The following PDK2 variants were observed in gnomAD, a reference collection of about 807,000 sequenced individuals.
PDK2 encodes pyruvate dehydrogenase kinase, isozyme 2.
In PDK2, 34 loss-of-function variants were observed where a neutral mutation model predicts 50.4. That is an observed-to-expected ratio of 0.68 (90% CI 0.51 to 0.90). PDK2 has a LOEUF of 0.90. Ranked by LOEUF, PDK2 falls within the 40% of genes least tolerant of loss-of-function variation. The pLI is 0.00. For synonymous variants in PDK2, 232 were observed against 216.0 expected, an observed-to-expected ratio of 1.07 and a Z score of -0.65; for missense variants, 377 against 544.5, an observed-to-expected ratio of 0.69 and a Z score of 3.06.
Position 50,097,353 on chromosome 17 carries a change from G to A in PDK2, c.119-70G>A, listed in dbSNP as rs1910002431. ...CCCCCTGTTAATGAAGGGTTTAGCT[G>A]ACCTGGCCGAGACATCCTTTGGCTT... is the stretch of plus-strand genomic sequence containing the variant. On this transcript the variant is annotated intron_variant, in intron 1 of 10. Transcript: ENST00000503176. 2.6e-6 allele frequency: 4 copies of A among 1,537,688 alleles called. No individual in the cohort carries two copies. The South Asian group carries it at 3.5e-5, about 13-fold the overall frequency.
chr17:50,100,998 C>T (rs1413342987), intron 2 of PDK2: 1 of 152,320 alleles, frequency 6.6e-6, no homozygotes, highest in Non-Finnish European at 1.5e-5. Flanking sequence ...AAAGGGACAA[C>T]CCCGGCTCCT....
rs765291523 is a variant in PDK2, at chr17:50,108,398, A to G, written c.842A>G (p.Glu281Gly). Reference sequence around the variant, plus strand: ...ATCAAGGTCATGGTGGCCTTGGGTGAGGAAGATCTGTCCATCAAGGTATGT... The same window carrying G: ...ATCAAGGTCATGGTGGCCTTGGGTGGGGAAGATCTGTCCATCAAGGTATGT... ...PPIKVMVALGEEDLSIKMSDR... is the reference protein window; with the variant it reads ...PPIKVMVALGGEDLSIKMSDR... Residue 281 changes from glutamate (E) to glycine (G), a missense_variant, in exon 8 of 11, where the codon GAG becomes GGG. By Grantham distance (98) the Glu-to-Gly change is moderately conservative. This residue lies in a region of PDK2 where 214 missense variants were observed against 294.0 expected (regional missense o/e 0.73). Coordinates refer to ENST00000503176, the MANE Select transcript of PDK2 (RefSeq NM_002611.5). The G allele has an allele frequency of 1.2e-6, 2 of 1,613,432 alleles. No individual in the cohort carries two copies. Among genetic ancestry groups the G allele is most frequent in the Non-Finnish European group, 1.7e-6 (2 of 1,179,368 alleles).
rs992726226 is a variant in PDK2, at chr17:50,096,040, G to A, written c.118+487G>A. The A allele has an allele frequency of 4.7e-6, 4 of 853,790 alleles. No individual in the cohort carries two copies. In the East Asian group the frequency reaches 3.6e-4, roughly 78 times the overall value. 52.9% of individuals were successfully genotyped at this position (853,790 alleles called of 1,614,324 possible). ...AGGGTCAGACACCCCTGGGCAGAGG[G>A]TGAGATTAAGCCAGGGGCAGTTGGG... is the stretch of plus-strand genomic sequence containing the variant. On this transcript the variant is annotated intron_variant, in intron 1 of 10. Transcript: ENST00000503176.
upstream of PDK2, among the ~76,000 whole-genome samples, chr17:50,095,068 G>A (rs1053949773): frequency 2.0e-5 from 3 of 152,266 alleles, no homozygotes; most frequent in Non-Finnish European, 4.4e-5. Flanking sequence ...GAAAGGGCTG[G>A]CGGGGCTCTG....
chr17:50,095,212 CG>C (rs138915490), upstream of PDK2: 18 of 496,784 alleles, frequency 3.6e-5, no homozygotes, highest in Non-Finnish European at 5.7e-5. Flanking sequence ...GGGGCGGGCC[CG>C]GGGGAAGCCA....
At position 50,106,103 on chromosome 17, in the gene PDK2, G is replaced by GT. The variant is rs949170908; in HGVS notation, c.517+35dup. ...CGGCCACAGCGGCGGGGAGCGGGCG[G>GT]TGGGGGGGGCGGTGCTGGGGCCCAG... On this transcript the variant is annotated intron_variant, in intron 4 of 10. Transcript: ENST00000503176. The GT allele has an allele frequency of 9.0e-6, 14 of 1,564,158 alleles. No homozygotes were observed. The Admixed American group carries it at 2.5e-4, about 28-fold the overall frequency.
chr17:50,095,876 G>T (rs1026223768), intron 1 of PDK2: 6 of 879,280 alleles, frequency 6.8e-6, no homozygotes, highest in Non-Finnish European at 8.6e-6. Context: ...GACGCGAAAG[G>T]GTTAATGGGA....
In PDK2 at chr17:50,096,310, A is replaced by G. The variant is rs967213388; in HGVS notation, c.118+757A>G. ...AGGTCAGGATCGCCCACTACCAGCA[A>G]CCTGGGGGTGGCCCTGGGGCAGGAG... On this transcript the variant is annotated intron_variant, in intron 1 of 10. Coordinates refer to ENST00000503176, the MANE Select transcript of PDK2 (RefSeq NM_002611.5). 20 of 985,032 alleles carry G rather than the reference A, an allele frequency of 2.0e-5. No individual in the cohort carries two copies. The African/African-American group carries it at 3.5e-4, about 17-fold the overall frequency. The allele number at this position is 985,032 out of a possible 1,614,324, so 61.0% of individuals were successfully genotyped here.
At chr17:50,106,979 G>A (rs2144369377) in intron 5 of PDK2, 96 bp downstream of exon 5, 4 of 1,467,412 alleles carry the variant, frequency 2.7e-6, no homozygotes, top group Non-Finnish European at 3.8e-6. Context: ...AGTAAGGGGT[G>A]CCATGGATTT....
chr17:50,108,865 T>A, intron 9 of PDK2, 146 bp downstream of exon 9: 1 of 621,362 alleles, frequency 1.6e-6, no homozygotes, highest in Admixed American at 2.7e-5. Context: ...ACCTCCCACA[T>A]CTCCCCAGTC....
In PDK2 at chr17:50,097,521, G is replaced by A. The variant is rs563054422; in HGVS notation, c.217G>A (p.Asp73Asn). The change falls in exon 2 of 11, where the codon GAC becomes AAC. Residue 73 changes from aspartate (D) to asparagine (N), a missense_variant. Physicochemically the swap from Asp to Asn is conservative, Grantham distance 23 (BLOSUM62 1). Around this residue, in one of 3 missense-constraint regions of PDK2, gnomAD observed 100 missense variants for 115.5 expected, o/e 0.87. Transcript: ENST00000503176. ...CATGAAAGAGATCAACCTGCTTCCC[G>A]ACCGAGTGCTGAGCACACCCTCCGT... ...NIMKEINLLP[D>N]RVLSTPSVQL... is the part of the protein sequence containing the mutation. 2.5e-6 allele frequency: 4 copies of A among 1,613,744 alleles called. No homozygotes were observed. Among genetic ancestry groups the A allele is most frequent in the South Asian group, 2.2e-5 (2 of 91,046 alleles).
At position 50,108,693 on chromosome 17, in the gene PDK2, C is replaced by A. The variant is rs1441300054; in HGVS notation, c.943C>A (p.Gln315Lys). The change falls in exon 9 of 11, where the codon CAG (glutamine) becomes AAG (lysine). Residue 315 changes from glutamine to lysine, a missense_variant. By Grantham distance (53) the Gln-to-Lys change is moderately conservative. This residue lies in a region of PDK2 where 214 missense variants were observed against 294.0 expected (regional missense o/e 0.73). Coordinates refer to ENST00000503176, the MANE Select transcript of PDK2 (RefSeq NM_002611.5). ...SYMYSTAPTP[Q>K]PGTGGTPLAG... ...CATGTACTCCACAGCACCCACCCCC[C>A]AGCCTGGCACCGGGGGAACGCCGCT... is the stretch of plus-strand genomic sequence containing the variant. 1.4e-5 allele frequency: 23 copies of A among 1,612,622 alleles called. No homozygotes were observed. The highest frequency in any genetic ancestry group is 1.6e-4 in the Middle Eastern group (1 of 6,078).
Position 50,096,995 on chromosome 17 carries a change from C to T in PDK2, c.119-428C>T, listed in dbSNP as rs1280427810. On this transcript the variant is annotated intron_variant, in intron 1 of 10. Transcript: ENST00000503176. The stretch of plus-strand genomic sequence containing the variant: ...GCTGGCCAGAGACAACACTGGGAGC[C>T]TGCAGTGGTGGTCTAGCCATAGCCC... Among the ~76,000 whole-genome samples, 4 of 152,356 alleles carry T rather than the reference C, an allele frequency of 2.6e-5. No individual in the cohort carries two copies. In the East Asian group the frequency reaches 7.7e-4, roughly 29 times the overall value.
intron 2 of PDK2, among the ~76,000 whole-genome samples, chr17:50,099,210 C>T (rs139853669): frequency 1.6e-4 from 24 of 152,224 alleles, no homozygotes; most frequent in African/African-American, 5.1e-4. Flanking sequence ...CGGCTCTATC[C>T]GGCTGCCTGA....
chr17:50,105,815 G>A (rs746697455), intron 3 of PDK2, 70 bp from the exon 4 acceptor site: 39 of 1,552,356 alleles, frequency 2.5e-5, no homozygotes, highest in Non-Finnish European at 3.0e-5. Flanking sequence ...TGAAGACACC[G>A]TGGAGAGGGG....
At position 50,109,483 on chromosome 17, in the gene PDK2, C is replaced by A; in HGVS notation, c.1083+83C>A. 1 of 762,998 alleles carries A rather than the reference C, an allele frequency of 1.3e-6. No individual in the cohort carries two copies. The highest frequency in any genetic ancestry group is 2.1e-6 in the Non-Finnish European group (1 of 474,686). 47.3% of individuals were successfully genotyped at this position (762,998 alleles called of 1,614,324 possible). A position where few individuals can be genotyped will look rare whatever the true frequency, so the allele number is the denominator to read the frequency against. On this transcript the variant is annotated intron_variant, in intron 10 of 10. Transcript: ENST00000503176. The surrounding 1 kb of genome is among the most constrained non-coding windows in gnomAD (Gnocchi z 5.0). ...CAGCCTTGGCCAGCTGCGAGCTTTC[C>A]TTTCCATCCCCCCAGTCCTTCCCTG...
intron 2 of PDK2, chr17:50,097,803 G>T: frequency 2.2e-6 from 1 of 459,008 alleles, no homozygotes; most frequent in Non-Finnish European, 3.9e-6. Context: ...ACCTTTCTCT[G>T]GAAACACAGG....
rs758123671 is a variant in PDK2, at chr17:50,095,389, G to T, written c.-47G>T. ...CGTCGCTGGGCCGAAAGGTGCGCGA[G>T]CGCTGCCCGCGCGGGGACCACAACC... On this transcript the variant is annotated 5_prime_UTR_variant, in exon 1 of 11. Transcript: ENST00000503176. 5 of 1,415,574 alleles carry T rather than the reference G, an allele frequency of 3.5e-6. No homozygotes were observed. In the East Asian group the frequency reaches 9.6e-5, roughly 27 times the overall value. The allele number at this position is 1,415,574 out of a possible 1,614,324, so 87.7% of individuals were successfully genotyped here. A position where few individuals can be genotyped will look rare whatever the true frequency, so the allele number is the denominator to read the frequency against.
Position 50,104,766 on chromosome 17 carries a change from T to C in PDK2, c.261-605T>C, listed in dbSNP as rs150278698. Among the ~76,000 whole-genome samples the C allele has an allele frequency of 6.1e-3, 936 of 152,226 alleles. 7 individuals carry two copies. The highest frequency in any genetic ancestry group is 0.013 in the South Asian group (62 of 4,828). ...CAGGCACGCCCACCCCACCTTTGGG[T>C]CCTTCCCACCTGCCATTTTAGAATC... On this transcript the variant is annotated intron_variant, in intron 2 of 10. Transcript: ENST00000503176.
Sources: allele counts gnomAD v4.1 joint callset (sites outside exome capture counted in the v4.1 genomes callset), GRCh38; gene constraint gnomAD v4.1.1; regional missense constraint gnomAD v4.1.1; non-coding constraint Gnocchi (gnomAD v3.1); transcripts MANE v1.5; gene names NCBI Gene and HGNC (gene_info 2026-07-23, HGNC 2026-07-21).